TRHDE: variants seen among roughly 807,000 people sequenced by gnomAD.
TRHDE encodes thyrotropin-releasing hormone-degrading ectoenzyme.
In TRHDE, 72 loss-of-function variants were observed where a neutral mutation model predicts 125.7. The observed-to-expected ratio is 0.57, with a 90% CI of 0.47 to 0.70. The LOEUF is 0.70. Ranked by LOEUF, TRHDE falls within the 30% of genes least tolerant of loss-of-function variation. TRHDE has a pLI of 0.00. For synonymous variants in TRHDE, 509 were observed against 509.1 expected (o/e 1.00, Z 0.00); for missense variants, 1,110 against 1,327.1 (o/e 0.84, Z 2.54).
chr12:72,662,988 G>C (rs1211339761), intron 18 of TRHDE, 64 bp from the exon 19 acceptor site: 4 of 1,495,054 alleles, frequency 2.7e-6, no homozygotes, highest in East Asian at 2.3e-5. Flanking sequence ...TCTTGTTCAT[G>C]TTTGTTGGAC....
chr12:72,520,068 T>G (rs1879105655), intron 6 of TRHDE, among the ~76,000 whole-genome samples: 1 of 152,210 alleles, frequency 6.6e-6, no homozygotes, highest in African/African-American at 2.4e-5. Flanking sequence ...GACACTTAAG[T>G]CTGCAGAGGT....
intron 2 of TRHDE, among the ~76,000 whole-genome samples, chr12:72,365,458 T>G (rs1389020702): frequency 6.6e-6 from 1 of 152,144 alleles, no homozygotes; most frequent in African/African-American, 2.4e-5. Context: ...GTGATTCTGA[T>G]GCAAACATTG....
At chr12:72,539,672 C>T (rs1277170198) in intron 6 of TRHDE, among the ~76,000 whole-genome samples, 1 of 151,696 alleles carries the variant, frequency 6.6e-6, no homozygotes, top group Admixed American at 6.6e-5. Context: ...AAAGATATTC[C>T]AGATATAAAA....
intron 12 of TRHDE, among the ~76,000 whole-genome samples, chr12:72,592,627 T>A (rs1334328946): frequency 6.6e-6 from 1 of 152,102 alleles, no homozygotes. Context: ...TTGGTTGGGT[T>A]TGAAATGCAG....
rs753572797 is a variant in TRHDE at position 72,272,778 on chromosome 12, G to A, written c.135G>A (p.Ala45=). The change falls in exon 1 of 19, where the codon GCG becomes GCA. Residue 45 remains alanine (A), a synonymous_variant. Coordinates refer to ENST00000261180, the MANE Select transcript of TRHDE (RefSeq NM_013381.3). The surrounding 1 kb of genome is among the most constrained non-coding windows in gnomAD (Gnocchi z 6.7). ...AGAGCAGCTCACCCTTCGCAGCCGC[G>A]ATGGGGGAAGACGACGCCGCGCTTC... ...AEKSSSPFAA[A]MGEDDAALRA... is the part of the protein sequence containing the mutation. The A allele has an allele frequency of 1.9e-6, 3 of 1,553,416 alleles. No homozygotes were observed. Among genetic ancestry groups the A allele is most frequent in the African/African-American group, 2.7e-5 (2 of 73,750 alleles).
intron 3 of TRHDE, among the ~76,000 whole-genome samples, chr12:72,466,282 T>C (rs1876370015): frequency 6.6e-6 from 1 of 152,206 alleles, no homozygotes; most frequent in African/African-American, 2.4e-5. Context: ...CTTCTTCCTG[T>C]GCTATTTGAG....
At chr12:72,633,474 G>A (rs141816140) in intron 15 of TRHDE, among the ~76,000 whole-genome samples, 83 of 152,000 alleles carry the variant, frequency 5.5e-4, no homozygotes, top group African/African-American at 1.8e-3. Flanking sequence ...CCTTTGTTTC[G>A]AGATTTTCCT....
At chr12:72,113,315 A>G (rs1315884383) in intron 2 of TRHDE, among the ~76,000 whole-genome samples, 1 of 151,952 alleles carries the variant, frequency 6.6e-6, no homozygotes, top group African/African-American at 2.4e-5. Context: ...CACTGAGCTC[A>G]ATCTTCTCTT....
intron 2 of TRHDE, among the ~76,000 whole-genome samples, chr12:72,366,604 A>T (rs1427238719): frequency 6.6e-6 from 1 of 152,094 alleles, no homozygotes; most frequent in African/African-American, 2.4e-5. Flanking sequence ...GCCAATGGTT[A>T]AGAAACTTAA....
intron 6 of TRHDE, among the ~76,000 whole-genome samples, chr12:72,520,266 C>G (rs1205610531): frequency 3.3e-5 from 5 of 152,194 alleles, no homozygotes; most frequent in African/African-American, 1.2e-4. Flanking sequence ...AGTTTGATCT[C>G]AGACTGCTGT....
chr12:72,352,237 G>GAAA (rs147186071), intron 2 of TRHDE, among the ~76,000 whole-genome samples: 1 of 144,134 alleles, frequency 6.9e-6, no homozygotes, highest in East Asian at 2.0e-4. Flanking sequence ...TGTTGGGAGA[G>GAAA]AAAAAAAAAA....
chr12:72,635,814 G>T (rs1392382596), intron 15 of TRHDE, among the ~76,000 whole-genome samples: 26 of 152,250 alleles, frequency 1.7e-4, no homozygotes, highest in South Asian at 6.2e-4. Flanking sequence ...GATAGTTGTA[G>T]ATATGCAGCA....
intron 2 of TRHDE, among the ~76,000 whole-genome samples, chr12:72,115,954 C>A (rs547069113): frequency 1.3e-5 from 2 of 152,236 alleles, no homozygotes; most frequent in African/African-American, 4.8e-5. Flanking sequence ...AACCTGTCAT[C>A]TAGGTTTTAA....
chr12:72,147,346 T>C (rs1876253351), intron 2 of TRHDE, among the ~76,000 whole-genome samples: 1 of 152,126 alleles, frequency 6.6e-6, no homozygotes, highest in Non-Finnish European at 1.5e-5. Context: ...AGGTTTCCTC[T>C]CATTTGTGGA....
chr12:72,536,547 GC>G (rs1314231554), intron 6 of TRHDE, among the ~76,000 whole-genome samples: 1 of 152,068 alleles, frequency 6.6e-6, no homozygotes, highest in African/African-American at 2.4e-5. Context: ...GAACAGGTCT[GC>G]AGTTGTTACA....
intron 2 of TRHDE, among the ~76,000 whole-genome samples, chr12:72,150,287 G>A (rs1195060452): frequency 6.6e-6 from 1 of 152,150 alleles, no homozygotes; most frequent in Non-Finnish European, 1.5e-5. Flanking sequence ...GATTTTAGCA[G>A]AAACCTGAAC....
chr12:72,376,885 T>A (rs2135773634), intron 2 of TRHDE, among the ~76,000 whole-genome samples: 1 of 152,088 alleles, frequency 6.6e-6, no homozygotes, highest in South Asian at 2.1e-4. Flanking sequence ...TTTTTTTTTT[T>A]AGATATTTGA....
chr12:72,124,229 T>A (rs760100865), intron 2 of TRHDE, among the ~76,000 whole-genome samples: 50 of 152,200 alleles, frequency 3.3e-4, no homozygotes, highest in Admixed American at 3.1e-3. Flanking sequence ...AAATCCCTAA[T>A]GTTCAATGAA....
At chr12:72,313,056 G>A (rs770129013) in intron 2 of TRHDE, among the ~76,000 whole-genome samples, 1 of 151,702 alleles carries the variant, frequency 6.6e-6, no homozygotes, top group Non-Finnish European at 1.5e-5. Context: ...CCTTTATTTG[G>A]TTAGAATATA....
Sources: allele counts gnomAD v4.1 joint callset (sites outside exome capture counted in the v4.1 genomes callset), GRCh38; gene constraint gnomAD v4.1.1; non-coding constraint Gnocchi (gnomAD v3.1); transcripts MANE v1.5; gene names NCBI Gene and HGNC (gene_info 2026-07-23, HGNC 2026-07-21).